Variants in SYT14 observed in about 807,000 individuals in gnomAD.
SYT14 encodes the protein synaptotagmin 14.
SYT14 carries 32 observed loss-of-function variants against 74.2 expected under a neutral mutation model. The ratio of observed to expected loss-of-function variants is 0.43; its 90% CI spans 0.33 to 0.58. SYT14 has a LOEUF of 0.58. Among genes scored for constraint, SYT14 ranks in the 20% least tolerant of loss-of-function variants. The pLI is 0.05. For missense variants in SYT14, 791 were observed against 981.8 expected, an observed-to-expected ratio of 0.81 and a Z score of 2.60; for synonymous variants, 298 against 337.7, an observed-to-expected ratio of 0.88 and a Z score of 1.29.
chr1:210,161,613 C>G, exon 10 of SYT14: 1 of 453,874 alleles, frequency 2.2e-6, no homozygotes. Context: ...TGCCTCAGTT[C>G]CTCTCAAAAG....
chr1:210,143,706 A>C (rs1478464492), intron 7 of SYT14, among the ~76,000 whole-genome samples: 2 of 152,178 alleles, frequency 1.3e-5, no homozygotes, highest in Non-Finnish European at 2.9e-5. Context: ...GGTCATTTGA[A>C]TGACCATTCA....
At chr1:210,142,735 C>G (rs2082943293) in intron 7 of SYT14, among the ~76,000 whole-genome samples, 1 of 152,084 alleles carries the variant, frequency 6.6e-6, no homozygotes, top group South Asian at 2.1e-4. Context: ...GAGACCTCTC[C>G]TGTGCCTGCT....
At chr1:209,973,196 T>A (rs1413970220) in intron 2 of SYT14, among the ~76,000 whole-genome samples, 1 of 152,040 alleles carries the variant, frequency 6.6e-6, no homozygotes, top group African/African-American at 2.4e-5. Context: ...GTGTGATAGA[T>A]CTTTCATTTC....
intron 5 of SYT14, among the ~76,000 whole-genome samples, chr1:210,043,433 T>G (rs2084554803): frequency 1.0e-5 from 1 of 98,802 alleles, no homozygotes; most frequent in Admixed American, 1.0e-4. Flanking sequence ...TTTGTTTTAC[T>G]GAAAAAAAAA....
At chr1:210,082,270 C>T (rs2081630344) in intron 5 of SYT14, among the ~76,000 whole-genome samples, 1 of 152,150 alleles carries the variant, frequency 6.6e-6, no homozygotes, top group Admixed American at 6.5e-5. Flanking sequence ...TCCAGTCTTT[C>T]TCCTCCCAAG....
At chr1:209,986,784 C>T (rs941096109) in intron 2 of SYT14, among the ~76,000 whole-genome samples, 8 of 152,060 alleles carry the variant, frequency 5.3e-5, no homozygotes, top group African/African-American at 9.7e-5. Flanking sequence ...CCACCATGCC[C>T]GGCTAATTTT....
intron 6 of SYT14, among the ~76,000 whole-genome samples, chr1:210,096,758 A>G (rs190201677): frequency 3.9e-5 from 6 of 152,332 alleles, no homozygotes; most frequent in Admixed American, 2.6e-4. Context: ...AGTAGAGCAC[A>G]TGGGTGACAG....
At chr1:210,166,459 A>AG (rs2083456522) in exon 10 of SYT14, 1 of 152,280 alleles carries the variant, frequency 6.6e-6, no homozygotes, top group African/African-American at 2.4e-5. Context: ...CCAGCTACTC[A>AG]GGAGGCTTAG....
exon 10 of SYT14, chr1:210,164,450 T>A (rs2102738133): frequency 5.9e-6 from 1 of 169,388 alleles, no homozygotes; most frequent in East Asian, 1.6e-4. Context: ...ACTTATCAAG[T>A]GAATCAGAAG....
intron 6 of SYT14, among the ~76,000 whole-genome samples, chr1:210,099,431 T>C (rs1038723349): frequency 6.6e-6 from 1 of 152,326 alleles, no homozygotes; most frequent in South Asian, 2.1e-4. Context: ...GTCTATGTTA[T>C]GGAAAGTAAA....
intron 4 of SYT14, among the ~76,000 whole-genome samples, chr1:210,019,435 T>G (rs1558132561): frequency 6.6e-6 from 1 of 152,240 alleles, no homozygotes; most frequent in African/African-American, 2.4e-5. Context: ...GCTAGCTGCA[T>G]GTGGCTGTTG....
chr1:209,967,498 A>G lies in SYT14; in HGVS notation c.-486+14742A>G, dbSNP rs1323314516. ...CTGCAGACTTAATTTTTAAAAAAATATATAGGCCTCTTCAGGTTATCTATT... is the reference window on the plus strand; with the variant it reads ...CTGCAGACTTAATTTTTAAAAAAATGTATAGGCCTCTTCAGGTTATCTATT... On this transcript the variant is annotated intron_variant, in intron 2 of 9. Transcript: ENST00000637265. Among the ~76,000 whole-genome samples, 5 of 152,274 alleles carry G rather than the reference A, an allele frequency of 3.3e-5. No homozygotes were observed. In the South Asian group the frequency reaches 6.2e-4, roughly 19 times the overall value.
intron 2 of SYT14, among the ~76,000 whole-genome samples, chr1:209,975,702 G>A (rs2079349170): frequency 6.6e-6 from 1 of 152,274 alleles, no homozygotes; most frequent in Admixed American, 6.5e-5. Context: ...TTGGTATCAG[G>A]ATGATGCTGG....
intron 6 of SYT14, among the ~76,000 whole-genome samples, chr1:210,099,431 T>A (rs1038723349): frequency 1.4e-4 from 21 of 152,208 alleles, no homozygotes; most frequent in African/African-American, 4.8e-4. Context: ...GTCTATGTTA[T>A]GGAAAGTAAA....
chr1:210,037,521 A>G (rs1232145898), intron 5 of SYT14, among the ~76,000 whole-genome samples: 1 of 101,476 alleles, frequency 9.9e-6, no homozygotes, highest in South Asian at 2.9e-4. Context: ...GTGATTTGTG[A>G]TTTTTCTGTT....
intron 7 of SYT14, among the ~76,000 whole-genome samples, chr1:210,125,859 T>G (rs527829420): frequency 6.6e-6 from 1 of 152,358 alleles, no homozygotes; most frequent in African/African-American, 2.4e-5. Flanking sequence ...TTAAAATGGT[T>G]TCTTAACATA....
intron 7 of SYT14, among the ~76,000 whole-genome samples, chr1:210,113,057 C>T (rs1197171134): frequency 6.6e-6 from 1 of 151,384 alleles, no homozygotes; most frequent in East Asian, 1.9e-4. Context: ...GCAGCCGCCG[C>T]ACGCAGACAT....
rs571486198 is a variant in SYT14 at position 210,055,059 on chromosome 1, C to T, written c.1312+33805C>T. 9.2e-5 allele frequency among the ~76,000 whole-genome samples: 14 copies of T among 152,288 alleles called. No individual in the cohort carries two copies. In the South Asian group the frequency reaches 2.9e-3, roughly 32 times the overall value. The stretch of plus-strand genomic sequence containing the variant: ...CCACTACCTTCTAAGGTACTAATGC[C>T]TTCAATTCCTGAGCCTTTCTGGACC... On this transcript the variant is annotated intron_variant, in intron 5 of 9. Coordinates refer to ENST00000637265, the Ensembl canonical transcript of SYT14.
intron 1 of SYT14, among the ~76,000 whole-genome samples, chr1:209,944,302 T>C (rs1395301329): frequency 3.3e-5 from 5 of 152,170 alleles, no homozygotes; most frequent in South Asian, 4.1e-4. Context: ...CATCTGGCAG[T>C]CAAAAACGTA....
Sources: allele counts gnomAD v4.1 joint callset (sites outside exome capture counted in the v4.1 genomes callset), GRCh38; gene constraint gnomAD v4.1.1; transcripts MANE v1.5; gene names NCBI Gene and HGNC (gene_info 2026-07-23, HGNC 2026-07-21).